Variants in DCBLD1 observed in about 807,000 individuals in gnomAD.
DCBLD1 encodes discoidin, CUB and LCCL domain-containing protein 1.
DCBLD1 carries 57 observed loss-of-function variants against 71.5 expected under a neutral mutation model. The observed-to-expected ratio is 0.80, with a 90% CI of 0.64 to 0.99. DCBLD1 has a LOEUF of 0.99. Among genes scored for constraint, DCBLD1 ranks in the 50% least tolerant of loss-of-function variants. The pLI, the probability that DCBLD1 is intolerant of heterozygous loss-of-function variation, is 0.00. For synonymous variants in DCBLD1, 380 were observed against 363.8 expected, an observed-to-expected ratio of 1.04 and a Z score of -0.51; for missense variants, 891 against 923.5, an observed-to-expected ratio of 0.96 and a Z score of 0.46.
intron 14 of DCBLD1, chr6:117,561,771 A>C (rs1034858201): frequency 4.8e-6 from 1 of 207,258 alleles, no homozygotes; most frequent in Non-Finnish European, 9.9e-6. Flanking sequence ...ATACAGATGA[A>C]CACCACCACC....
In DCBLD1 at chr6:117,537,240, T is replaced by C. The variant is rs1281450612; in HGVS notation, c.760+15T>C. 3 of 1,613,550 alleles carry C rather than the reference T, an allele frequency of 1.9e-6. No individual in the cohort carries two copies. The highest frequency in any genetic ancestry group is 2.5e-6 in the Non-Finnish European group (3 of 1,179,524). On this transcript the variant is annotated intron_variant, in intron 7 of 14. Coordinates refer to ENST00000338728, the MANE Select transcript of DCBLD1 (RefSeq NM_001366458.2). ...TACCTCCAATGGTAAGGATCATGCT[T>C]TCCTTAAGAATTTGATATTTTCGGT...
At chr6:117,516,321 A>C (rs1427261874) in intron 2 of DCBLD1, among the ~76,000 whole-genome samples, 2 of 151,644 alleles carry the variant, frequency 1.3e-5, no homozygotes, top group Admixed American at 6.6e-5. Flanking sequence ...AGATCATGCC[A>C]CTGCACTCCA....
intron 14 of DCBLD1, among the ~76,000 whole-genome samples, chr6:117,556,854 TC>T (rs1204092676): frequency 6.6e-6 from 1 of 152,166 alleles, no homozygotes; most frequent in Non-Finnish European, 1.5e-5. Flanking sequence ...GTGTAAGTGC[TC>T]CCTTTACTCT....
At chr6:117,516,408 T>G (rs9387486) in intron 2 of DCBLD1, among the ~76,000 whole-genome samples, 1 of 151,794 alleles carries the variant, frequency 6.6e-6, no homozygotes, top group African/African-American at 2.4e-5. Flanking sequence ...TTACGTATGA[T>G]GAGTGTTTCT....
chr6:117,494,199 A>G (rs557501730), intron 1 of DCBLD1, among the ~76,000 whole-genome samples: 1 of 152,312 alleles, frequency 6.6e-6, no homozygotes, highest in South Asian at 2.1e-4. Flanking sequence ...AAAAACTATT[A>G]TCTGTGAAAG....
intron 2 of DCBLD1, among the ~76,000 whole-genome samples, chr6:117,511,819 TAAAAC>T (rs1380045288): frequency 6.6e-6 from 1 of 152,178 alleles, no homozygotes; most frequent in African/African-American, 2.4e-5. Context: ...CTTTTAAAGA[TAAAAC>T]AAATAGACTT....
chr6:117,509,042 A>T (rs975571394), intron 2 of DCBLD1, among the ~76,000 whole-genome samples: 1 of 152,304 alleles, frequency 6.6e-6, no homozygotes, highest in Admixed American at 6.5e-5. Context: ...CCTACTCACA[A>T]GTGTGAGCCA....
At chr6:117,566,834 AT>A in intron 14 of DCBLD1, 3 of 1,474,246 alleles carry the variant, frequency 2.0e-6, no homozygotes, top group Non-Finnish European at 2.7e-6. Context: ...GTTAATAATA[AT>A]TTTTAGAGTG....
chr6:117,521,574 C>T lies in DCBLD1; in HGVS notation c.510C>T (p.Tyr170=). 6.4e-7 allele frequency: 1 copy of T among 1,565,594 alleles called. No individual in the cohort carries two copies. The highest frequency in any genetic ancestry group is 1.2e-5 in the South Asian group (1 of 83,566). ...CTAGCCATTATTTGAAGACAGAATA[C>T]AGGTAAGTATAGGTATCCTAACTGT... ...ERASHYLKTE[Y]SKFCPAGCRD... Residue 170 remains tyrosine, a splice_region_variant and synonymous_variant, in exon 4 of 15, where the codon TAC becomes TAT. Transcript: ENST00000338728.
At position 117,538,687 on chromosome 6, in the gene DCBLD1, C is replaced by A; in HGVS notation, c.828C>A (p.Val276=). 1.2e-6 allele frequency: 2 copies of A among 1,614,050 alleles called. No individual in the cohort carries two copies. Among genetic ancestry groups the A allele is most frequent in the South Asian group, 2.2e-5 (2 of 91,028 alleles). Residue 276 remains valine, a synonymous_variant, in exon 8 of 15, where the codon GTC becomes GTA. Coordinates refer to ENST00000338728, the MANE Select transcript of DCBLD1 (RefSeq NM_001366458.2). ...QIRASSSWQS[V]NESGDQVHWS... ...GAGCTTCTTCCTCATGGCAGTCGGT[C>A]AATGAGAGTGGAGACCAAGTTCACT...
chr6:117,519,719 C>T, intron 2 of DCBLD1, 97 bp from the exon 3 acceptor site: 1 of 1,448,368 alleles, frequency 6.9e-7, no homozygotes, highest in East Asian at 2.3e-5. Flanking sequence ...TATGTATTGT[C>T]TAGTAAATTT....
At chr6:117,566,669 T>C (rs1779703505) in intron 14 of DCBLD1, among the ~76,000 whole-genome samples, 2 of 152,152 alleles carry the variant, frequency 1.3e-5, no homozygotes, top group South Asian at 2.1e-4. Context: ...AAGATGAATA[T>C]AGAAGAACAT....
chr6:117,528,298 G>GT (rs1778607935), intron 5 of DCBLD1, among the ~76,000 whole-genome samples: 1 of 152,162 alleles, frequency 6.6e-6, no homozygotes, highest in Non-Finnish European at 1.5e-5. Context: ...TAGGAGGACT[G>GT]TAACAGCACA....
chr6:117,559,887 C>CT (rs1779550044), intron 14 of DCBLD1, among the ~76,000 whole-genome samples: 1 of 152,100 alleles, frequency 6.6e-6, no homozygotes, highest in Admixed American at 6.5e-5. Flanking sequence ...GAATTGGGAG[C>CT]TTAAATCAAC....
intron 2 of DCBLD1, among the ~76,000 whole-genome samples, chr6:117,515,562 T>C (rs1778166861): frequency 6.6e-6 from 1 of 152,212 alleles, no homozygotes; most frequent in South Asian, 2.1e-4. Context: ...ATTTCAAACA[T>C]ATCTAAAACA....
In DCBLD1 at chr6:117,543,254, G is replaced by A. The variant is rs766362275; in HGVS notation, c.1445+43G>A. The A allele has an allele frequency of 4.8e-5, 76 of 1,586,690 alleles. No individual in the cohort carries two copies. In the South Asian group the frequency reaches 4.9e-4, roughly 10 times the overall value. On this transcript the variant is annotated intron_variant, in intron 12 of 14. Transcript: ENST00000338728. The stretch of plus-strand genomic sequence containing the variant: ...GTTTAAATTTCTTCTCTAATTATGC[G>A]AACAATAAAAAACCAAAAAGTTTAT...
intron 2 of DCBLD1, among the ~76,000 whole-genome samples, chr6:117,515,782 G>A (rs996988940): frequency 2.0e-5 from 3 of 152,036 alleles, no homozygotes; most frequent in Non-Finnish European, 4.4e-5. Context: ...GTATTTAAAA[G>A]TGACACGATT....
At chr6:117,551,036 A>T (rs760381100), downstream of DCBLD1, among the ~76,000 whole-genome samples, 1 of 151,822 alleles carries the variant, frequency 6.6e-6, no homozygotes, top group Non-Finnish European at 1.5e-5. Flanking sequence ...ACCCACCCAC[A>T]CTGCTGTGTT....
intron 8 of DCBLD1, 178 bp from the exon 9 acceptor site, chr6:117,539,077 A>G: frequency 1.4e-6 from 1 of 697,558 alleles, no homozygotes; most frequent in Non-Finnish European, 2.3e-6. Flanking sequence ...TATATGGTGT[A>G]TTGTCAGTGT....
Sources: allele counts gnomAD v4.1 joint callset (sites outside exome capture counted in the v4.1 genomes callset), GRCh38; gene constraint gnomAD v4.1.1; transcripts MANE v1.5; gene names NCBI Gene and HGNC (gene_info 2026-07-23, HGNC 2026-07-21).